NCOR1: variants seen among roughly 807,000 people sequenced by gnomAD.
NCOR1 encodes protein phosphatase 1, regulatory subunit 109.
In NCOR1, 63 loss-of-function variants were observed where a neutral mutation model predicts 288.1. That is an observed-to-expected ratio of 0.22 (90% CI 0.18 to 0.27). NCOR1 has a LOEUF of 0.27. NCOR1 is among the 10% of genes least tolerant of loss of function. NCOR1 has a pLI of 1.00. For synonymous variants in NCOR1, 1,007 were observed against 1,065.9 expected, an observed-to-expected ratio of 0.94 and a Z score of 1.08; for missense variants, 2,397 against 3,019.2, an observed-to-expected ratio of 0.79 and a Z score of 4.83.
At chr17:16,083,587 T>G (rs895564643) in intron 23 of NCOR1, among the ~76,000 whole-genome samples, 10 of 151,848 alleles carry the variant, frequency 6.6e-5, no homozygotes, top group Admixed American at 3.3e-4. Context: ...TTCATGGTTT[T>G]TTTTTTTTTT....
chr17:16,100,570 G>A (rs755510831), intron 20 of NCOR1, among the ~76,000 whole-genome samples: 1 of 152,168 alleles, frequency 6.6e-6, no homozygotes, highest in Non-Finnish European at 1.5e-5. Flanking sequence ...GAACTCAAGA[G>A]GTGGAGGATG....
At chr17:16,064,024 C>T (rs73981433) in intron 35 of NCOR1, 44 bp downstream of exon 35, 1 of 1,607,454 alleles carries the variant, frequency 6.2e-7, no homozygotes, top group Non-Finnish European at 8.5e-7. Flanking sequence ...TACAAGATTA[C>T]TAAGATGTGT....
At chr17:16,150,146 C>G (rs933585867) in intron 8 of NCOR1, among the ~76,000 whole-genome samples, 8 of 151,626 alleles carry the variant, frequency 5.3e-5, no homozygotes, top group African/African-American at 1.9e-4. Flanking sequence ...ATATTTATAC[C>G]CCACCTACTT....
At chr17:16,068,812 C>A (rs1018095849) in intron 31 of NCOR1, among the ~76,000 whole-genome samples, 1 of 149,824 alleles carries the variant, frequency 6.7e-6, no homozygotes, top group Non-Finnish European at 1.5e-5. Flanking sequence ...CTCCTGGGTT[C>A]AAGCGATTCT....
At chr17:16,149,023 T>G (rs1378828754) in intron 9 of NCOR1, among the ~76,000 whole-genome samples, 1 of 151,984 alleles carries the variant, frequency 6.6e-6, no homozygotes, top group African/African-American at 2.4e-5. Context: ...TAAAAAAATA[T>G]GGAAAACCAT....
Position 16,071,507 on chromosome 17 carries a change from G to A in NCOR1, c.4054C>T (p.His1352Tyr). 6.2e-7 allele frequency: 1 copy of A among 1,614,180 alleles called. No homozygotes were observed. The highest frequency in any genetic ancestry group is 8.5e-7 in the Non-Finnish European group (1 of 1,180,036). ...AAAATATCTTGCCTTGGAATCTCAT[G>A]AATGGAACGCCCCATTTCTTTGATG... is the stretch of plus-strand genomic sequence containing the variant. ...TTIKEMGRSI[H>Y]EIPRQDILTQ... Residue 1352 changes from histidine to tyrosine, a missense_variant, in exon 30 of 46, where the codon CAT becomes TAT. Coordinates refer to ENST00000268712, the MANE Select transcript of NCOR1 (RefSeq NM_006311.4).
intron 23 of NCOR1, chr17:16,084,366 G>A (rs1171146957): frequency 2.0e-5 from 3 of 152,310 alleles, no homozygotes; most frequent in Non-Finnish European, 4.4e-5. Context: ...AGGACAAAGA[G>A]AAGGAAGATG....
intron 22 of NCOR1, 98 bp downstream of exon 22, chr17:16,091,765 G>C: frequency 6.3e-7 from 1 of 1,580,276 alleles, no homozygotes; most frequent in Non-Finnish European, 8.6e-7. Flanking sequence ...TAATCAGTTG[G>C]GAGGCTGACA....
rs1174050101 is a variant in NCOR1, at chr17:16,200,944, A to T, written c.-70-6305T>A. Among the ~76,000 whole-genome samples the T allele has an allele frequency of 3.3e-5, 5 of 152,218 alleles. 1 individual carries two copies. Among genetic ancestry groups the T allele is most frequent in the Admixed American group, 3.3e-4 (5 of 15,288 alleles). On this transcript the variant is annotated intron_variant, in intron 1 of 45. Coordinates refer to ENST00000268712, the MANE Select transcript of NCOR1 (RefSeq NM_006311.4). ...TATTACAGAGCCCAGCATGCAGGAG[A>T]GGAAAGACTAGAAATTATCTAAGTG...
At chr17:16,205,535 C>T (rs2091385213) in intron 1 of NCOR1, among the ~76,000 whole-genome samples, 1 of 151,778 alleles carries the variant, frequency 6.6e-6, no homozygotes, top group African/African-American at 2.4e-5. Flanking sequence ...GCAGGGGAAT[C>T]GCTTGAACCT....
chr17:16,160,465 T>G (rs1372512074), intron 5 of NCOR1, among the ~76,000 whole-genome samples: 1 of 152,186 alleles, frequency 6.6e-6, no homozygotes, highest in Non-Finnish European at 1.5e-5. Context: ...AAGTCTAGTA[T>G]AGTCTATAGG....
At chr17:16,185,055 T>C (rs1406137159) in intron 3 of NCOR1, among the ~76,000 whole-genome samples, 4 of 143,006 alleles carry the variant, frequency 2.8e-5, no homozygotes, top group African/African-American at 1.0e-4. Context: ...AACAAAACAG[T>C]GCTAACAGTG....
At chr17:16,130,390 T>C (rs2075403785) in intron 14 of NCOR1, among the ~76,000 whole-genome samples, 1 of 152,186 alleles carries the variant, frequency 6.6e-6, no homozygotes, top group South Asian at 2.1e-4. Context: ...CTCCACAGGG[T>C]GGCTGGAGCA....
chr17:16,070,463 G>C lies in NCOR1; in HGVS notation c.4215C>G (p.Ser1405=). Residue 1405 remains serine (S), a synonymous_variant, in exon 31 of 46, where the codon TCC becomes TCG. Transcript: ENST00000268712. The part of the protein sequence containing the change: ...GQSAIKHNVK[S]LITGPSKLSR... ...ATAGTTTGCTAGGCCCCGTGATTAA[G>C]GATTTGACATTGTGTTTGATGGCAG... 1.2e-6 allele frequency: 2 copies of C among 1,614,190 alleles called. No individual in the cohort carries two copies. Among genetic ancestry groups the C allele is most frequent in the South Asian group, 2.2e-5 (2 of 91,082 alleles).
rs60523446 is a variant in NCOR1 at position 16,136,806 on chromosome 17, CAAAAAAAAAAAA to C, written c.1509+493_1509+504del. 2.7e-5 allele frequency among the ~76,000 whole-genome samples: 3 copies of C among 111,792 alleles called. No individual in the cohort carries two copies. The South Asian group carries it at 9.3e-4, about 35-fold the overall frequency. 73.3% of individuals were successfully genotyped at this position (111,792 alleles called of 152,430 possible). On this transcript the variant is annotated intron_variant, in intron 14 of 45. Transcript: ENST00000268712. ...TGGGCGACAGAGCGAGACTCTGTTT[CAAAAAAAAAAAA>C]AAAAAAAAAAGAAAGAAAGAAATTA...
Position 16,071,433 on chromosome 17 carries a change from C to T in NCOR1, c.4128G>A (p.Pro1376=), listed in dbSNP as rs768050881. The change falls in exon 30 of 46, where the codon CCG becomes CCA. Residue 1376 remains proline, a synonymous_variant. Transcript: ENST00000268712. The stretch of plus-strand genomic sequence containing the variant: ...CCTGGGAAATGGAACCCTCAATTAT[C>T]GGCCGTGTGCTCTGGACCACTTCTG... ...KTPEVVQSTR[P]IIEGSISQGT... The T allele has an allele frequency of 1.7e-5, 28 of 1,612,674 alleles. No individual in the cohort carries two copies. The highest frequency in any genetic ancestry group is 6.7e-5 in the Admixed American group (4 of 59,854).
intron 41 of NCOR1, among the ~76,000 whole-genome samples, chr17:16,047,993 T>C (rs532357863): frequency 1.3e-5 from 2 of 152,364 alleles, no homozygotes; most frequent in East Asian, 1.9e-4. Context: ...CATTGAAAAG[T>C]AGCAATATCT....
chr17:16,147,693 C>T (rs1333939260), intron 9 of NCOR1, among the ~76,000 whole-genome samples: 1 of 152,196 alleles, frequency 6.6e-6, no homozygotes, highest in Non-Finnish European at 1.5e-5. Context: ...TCAATTACTC[C>T]TATATGTCTT....
chr17:16,057,424 G>C, intron 40 of NCOR1, 90 bp downstream of exon 40: 1 of 1,309,058 alleles, frequency 7.6e-7, no homozygotes, highest in Non-Finnish European at 1.1e-6. Flanking sequence ...ATGAACTTTA[G>C]TTGTGAGAAA....
Sources: gnomAD v4.1 joint callset for allele counts (sites outside exome capture counted in the v4.1 genomes callset) on GRCh38, gnomAD v4.1.1 for gene constraint, MANE v1.5 for transcripts, NCBI Gene and HGNC (gene_info 2026-07-23, HGNC 2026-07-21) for gene names.